Variants in CENPP observed in about 807,000 individuals in gnomAD.
CENPP encodes centromere protein P.
CENPP carries 24 observed loss-of-function variants against 35.6 expected under a neutral mutation model. The ratio of observed to expected loss-of-function variants is 0.67; its 90% CI spans 0.49 to 0.95. The LOEUF (loss-of-function observed/expected upper bound fraction) is 0.95. Among genes scored for constraint, CENPP ranks in the 40% least tolerant of loss-of-function variants. CENPP has a pLI of 0.00. For missense variants in CENPP, 332 were observed against 345.3 expected, an observed-to-expected ratio of 0.96 and a Z score of 0.31; for synonymous variants, 120 against 125.5, an observed-to-expected ratio of 0.96 and a Z score of 0.29.
chr9:92,415,972 T>TTA (rs1048555630), intron 5 of CENPP, among the ~76,000 whole-genome samples: 29 of 145,284 alleles, frequency 2.0e-4, no homozygotes, highest in Non-Finnish European at 2.9e-4. Context: ...AAATTGTCAG[T>TTA]TATATATATA....
chr9:92,513,871 C>T (rs1847515686), intron 5 of CENPP, among the ~76,000 whole-genome samples: 1 of 152,078 alleles, frequency 6.6e-6, no homozygotes, highest in Admixed American at 6.6e-5. Context: ...TGTCAAAACT[C>T]AGAACTATAT....
intron 5 of CENPP, among the ~76,000 whole-genome samples, chr9:92,409,795 T>G (rs1843397980): frequency 6.6e-6 from 1 of 152,216 alleles, no homozygotes. Context: ...TATTTCCTGC[T>G]ATAAATATCA....
intron 3 of CENPP, among the ~76,000 whole-genome samples, chr9:92,342,380 G>C (rs1286393957): frequency 6.6e-6 from 1 of 152,196 alleles, no homozygotes; most frequent in Non-Finnish European, 1.5e-5. Flanking sequence ...TCTAAGGAGA[G>C]GAACTGTAGA....
intron 5 of CENPP, among the ~76,000 whole-genome samples, chr9:92,558,607 C>T (rs1186093545): frequency 1.3e-5 from 2 of 152,068 alleles, no homozygotes; most frequent in African/African-American, 4.8e-5. Flanking sequence ...TATTTTTGTG[C>T]TGGTTGGCCT....
intron 5 of CENPP, chr9:92,528,025 G>A (rs1273916417): frequency 6.6e-6 from 1 of 152,556 alleles, no homozygotes; most frequent in Non-Finnish European, 1.5e-5. Context: ...CTTTTGGAGA[G>A]TCTGTGAAGT....
At position 92,612,565 on chromosome 9, in the gene CENPP, T is replaced by C. The variant is rs1379881547; in HGVS notation, c.687T>C (p.Asp229=). The C allele has an allele frequency of 1.7e-5, 27 of 1,614,128 alleles. No homozygotes were observed. The highest frequency in any genetic ancestry group is 2.3e-5 in the Non-Finnish European group (27 of 1,180,008). ...TTTGGAGGATACAAATAGATGAAGA[T>C]GGGAAGGTTTTTCCAAAGCTGGATC... The part of the protein sequence containing the change: ...VIVWRIQIDE[D]GKVFPKLDLL... The change falls in exon 7 of 8, where the codon GAT becomes GAC. Residue 229 remains aspartate (D), a synonymous_variant. Coordinates refer to ENST00000375587, the MANE Select transcript of CENPP (RefSeq NM_001012267.3).
chr9:92,467,640 C>A (rs932652917), intron 5 of CENPP, among the ~76,000 whole-genome samples: 4 of 152,108 alleles, frequency 2.6e-5, no homozygotes, highest in African/African-American at 9.7e-5. Context: ...GTTTAATATG[C>A]CTCACTGGTA....
rs1840480875 is a variant in CENPP at position 92,326,099 on chromosome 9, GAGTCCAGTACGTGACCACCCCA to G, written c.107_107+21del. 2.6e-6 allele frequency: 4 copies of G among 1,547,468 alleles called. No homozygotes were observed. The highest frequency in any genetic ancestry group is 2.5e-5 in the East Asian group (1 of 40,652). On this transcript the variant is annotated splice_donor_variant and splice_donor_5th_base_variant and coding_sequence_variant and intron_variant, in exon 1 of 8. Transcript: ENST00000375587. LOFTEE classifies it high-confidence loss of function. ...CCGGCGCCCTGGGAAGAGAAGTCCC[GAGTCCAGTACGTGACCACCCCA>G]AGTCCCCCAGGGCCCGCTGGCCAGG...
intron 5 of CENPP, among the ~76,000 whole-genome samples, chr9:92,552,733 G>A (rs1849642885): frequency 6.6e-6 from 1 of 152,002 alleles, no homozygotes; most frequent in African/African-American, 2.4e-5. Context: ...TGTAGATTCT[G>A]GTTATTAGTG....
intron 2 of CENPP, among the ~76,000 whole-genome samples, chr9:92,336,954 A>G (rs1389685170): frequency 6.6e-6 from 1 of 152,226 alleles, no homozygotes; most frequent in Non-Finnish European, 1.5e-5. Flanking sequence ...AGCATTGAAC[A>G]GTTAACATGA....
Position 92,524,111 on chromosome 9 carries a change from G to A in CENPP, c.565-87203G>A, listed in dbSNP as rs1203063954. Among the ~76,000 whole-genome samples, 8 of 152,134 alleles carry A rather than the reference G, an allele frequency of 5.3e-5. No homozygotes were observed. In the East Asian group the frequency reaches 9.6e-4, roughly 18 times the overall value. On this transcript the variant is annotated intron_variant, in intron 5 of 7. Transcript: ENST00000375587. ...TTTCTCTCCACCTGTTTGCTAAGAC[G>A]TTCTGTGACTGATGTAATCCACAAC... is the stretch of plus-strand genomic sequence containing the variant.
At chr9:92,495,729 A>G in intron 5 of CENPP, 1 of 928,656 alleles carries the variant, frequency 1.1e-6, no homozygotes. Flanking sequence ...TTTCAAAACC[A>G]GGAAATTAAC....
chr9:92,525,984 TTACTA>T (rs946154015), intron 5 of CENPP, among the ~76,000 whole-genome samples: 6 of 152,130 alleles, frequency 3.9e-5, no homozygotes, highest in African/African-American at 1.4e-4. Context: ...GTTTATGTAT[TTACTA>T]TACTATACTT....
chr9:92,609,049 T>A (rs1050713257), intron 5 of CENPP, among the ~76,000 whole-genome samples: 1 of 152,246 alleles, frequency 6.6e-6, no homozygotes, highest in African/African-American at 2.4e-5. Context: ...TCCCTTACGG[T>A]CCTCATGCAG....
intron 5 of CENPP, among the ~76,000 whole-genome samples, chr9:92,573,373 C>A (rs1040247053): frequency 8.5e-5 from 13 of 152,150 alleles, no homozygotes; most frequent in Admixed American, 2.6e-4. Context: ...CACTCCAGAC[C>A]CTTTTTGCCT....
At chr9:92,417,939 G>A (rs1843668546) in intron 5 of CENPP, among the ~76,000 whole-genome samples, 1 of 152,030 alleles carries the variant, frequency 6.6e-6, no homozygotes, top group Non-Finnish European at 1.5e-5. Flanking sequence ...TGTTGCCCAA[G>A]CTGGTCTCAA....
chr9:92,569,904 G>A (rs1301977672), intron 5 of CENPP, among the ~76,000 whole-genome samples: 1 of 152,018 alleles, frequency 6.6e-6, no homozygotes, highest in African/African-American at 2.4e-5. Flanking sequence ...TGTATAGGAA[G>A]GCCTGTGATT....
chr9:92,482,779 T>A (rs1845954046), intron 5 of CENPP, among the ~76,000 whole-genome samples: 1 of 152,202 alleles, frequency 6.6e-6, no homozygotes, highest in Non-Finnish European at 1.5e-5. Flanking sequence ...TAATAAAATA[T>A]TTATCAATCT....
intron 4 of CENPP, among the ~76,000 whole-genome samples, chr9:92,361,998 G>C (rs1013362940): frequency 6.6e-6 from 1 of 152,016 alleles, no homozygotes; most frequent in African/African-American, 2.4e-5. Flanking sequence ...CTGCACTCCA[G>C]CCTGGGTGAC....
Sources: allele counts gnomAD v4.1 joint callset (sites outside exome capture counted in the v4.1 genomes callset), GRCh38; gene constraint gnomAD v4.1.1; transcripts MANE v1.5; gene names NCBI Gene and HGNC (gene_info 2026-07-23, HGNC 2026-07-21).